The following FSIP1 variants were observed in gnomAD, a reference collection of about 807,000 sequenced individuals.
The protein encoded by FSIP1 is fibrous sheath-interacting protein 1.
In FSIP1, 65 loss-of-function variants were observed where a neutral mutation model predicts 60.9. The ratio of observed to expected loss-of-function variants is 1.07; its 90% CI spans 0.87 to 1.31. The LOEUF (loss-of-function observed/expected upper bound fraction) is 1.31. FSIP1 is among the 40% of genes most tolerant of loss of function. The pLI, the probability that FSIP1 is intolerant of heterozygous loss-of-function variation, is 0.00. For missense variants in FSIP1, 675 were observed against 665.5 expected (o/e 1.01, Z -0.16); for synonymous variants, 209 against 221.2 (o/e 0.94, Z 0.49).
chr15:39,703,502 A>G (rs1167399967), intron 10 of FSIP1, among the ~76,000 whole-genome samples: 1 of 152,244 alleles, frequency 6.6e-6, no homozygotes, highest in African/African-American at 2.4e-5. Flanking sequence ...TAAATTTGAA[A>G]CTGAAACCTA....
chr15:39,659,626 T>TAAAAAAAA lies in FSIP1; in HGVS notation c.1189-41382_1189-41381insTTTTTTTT, dbSNP rs150262830. Among the ~76,000 whole-genome samples, 6 of 133,764 alleles carry TAAAAAAAA rather than the reference T, an allele frequency of 4.5e-5. 1 individual carries two copies. The highest frequency in any genetic ancestry group is 8.3e-5 in the African/African-American group (3 of 35,960). 87.8% of individuals were successfully genotyped at this position (133,764 alleles called of 152,430 possible). A position where few individuals can be genotyped will look rare whatever the true frequency, so the allele number is the denominator to read the frequency against. ...ATTATATCTCAATAAAGCTGTTATTTTAAAAAAAAAAAAAAAAAGCAATGG... is the reference window on the plus strand; with the variant it reads ...ATTATATCTCAATAAAGCTGTTATTTAAAAAAAATAAAAAAAAAAAAAAAAAGCAATGG... On this transcript the variant is annotated intron_variant, in intron 10 of 11. Transcript: ENST00000350221.
chr15:39,761,306 G>C lies in FSIP1; in HGVS notation c.559+2515C>G, dbSNP rs1363850961. On this transcript the variant is annotated intron_variant, in intron 5 of 11. Transcript: ENST00000350221. ...CTGCAGCACTACTCACAATAGCCAA[G>C]TTATGGAATAACCTAAGTATCCACC... Among the ~76,000 whole-genome samples, 8 of 152,168 alleles carry C rather than the reference G, an allele frequency of 5.3e-5. 1 individual carries two copies. The highest frequency in any genetic ancestry group is 3.9e-4 in the Admixed American group (6 of 15,268).
intron 10 of FSIP1, among the ~76,000 whole-genome samples, chr15:39,708,707 G>A (rs1231439361): frequency 2.0e-5 from 3 of 151,982 alleles, no homozygotes; most frequent in Non-Finnish European, 4.4e-5. Flanking sequence ...CCTCATCTTG[G>A]TCACTCTAAT....
Position 39,665,052 on chromosome 15 carries a change from T to A in FSIP1, c.1189-46807A>T, listed in dbSNP as rs575978993. The stretch of plus-strand genomic sequence containing the variant: ...CCTTAAATATTTGTTGCAAGTCCTA[T>A]CTTCTATTAAGCCTTCCCCTTCTCC... On this transcript the variant is annotated intron_variant, in intron 10 of 11. Transcript: ENST00000350221. Among the ~76,000 whole-genome samples, 41 of 152,312 alleles carry A rather than the reference T, an allele frequency of 2.7e-4. 1 individual carries two copies. The South Asian group carries it at 8.1e-3, about 30-fold the overall frequency.
At chr15:39,780,527 GA>G (rs1413186396) in intron 1 of FSIP1, among the ~76,000 whole-genome samples, 4 of 151,312 alleles carry the variant, frequency 2.6e-5, no homozygotes, top group Admixed American at 6.6e-5. Context: ...GTCAAAAAAA[GA>G]AAAAAAAATT....
intron 10 of FSIP1, among the ~76,000 whole-genome samples, chr15:39,650,016 G>T (rs1892802073): frequency 6.6e-6 from 1 of 152,194 alleles, no homozygotes; most frequent in South Asian, 2.1e-4. Context: ...CAGCTGTGCT[G>T]ATTCCCCACT....
At chr15:39,608,180 T>C (rs1414373985) in intron 11 of FSIP1, among the ~76,000 whole-genome samples, 4 of 152,206 alleles carry the variant, frequency 2.6e-5, no homozygotes, top group African/African-American at 7.2e-5. Context: ...GAAAGTAAAA[T>C]ATGGTTCACA....
chr15:39,709,992 A>G (rs992799633), intron 10 of FSIP1, among the ~76,000 whole-genome samples: 1 of 152,186 alleles, frequency 6.6e-6, no homozygotes, highest in Non-Finnish European at 1.5e-5. Flanking sequence ...AGAGCAGGCT[A>G]TTAACAAAAC....
chr15:39,647,898 T>G (rs1294131251), intron 10 of FSIP1, among the ~76,000 whole-genome samples: 1 of 151,964 alleles, frequency 6.6e-6, no homozygotes, highest in Non-Finnish European at 1.5e-5. Flanking sequence ...CAAAAATAAA[T>G]TAATATCACT....
intron 10 of FSIP1, among the ~76,000 whole-genome samples, chr15:39,650,456 C>T (rs1892818785): frequency 1.3e-5 from 2 of 152,158 alleles, no homozygotes; most frequent in South Asian, 4.1e-4. Context: ...ATTAAGTCCT[C>T]CCTTATGACT....
chr15:39,603,412 G>A (rs116883723), intron 11 of FSIP1, among the ~76,000 whole-genome samples: 1,531 of 152,316 alleles, frequency 0.01, 16 homozygotes, highest in Non-Finnish European at 0.017. Context: ...CTCACCAGGT[G>A]ATTCTAACAT....
intron 9 of FSIP1, among the ~76,000 whole-genome samples, chr15:39,719,367 C>A (rs16969702): frequency 0.12 from 18,041 of 152,194 alleles, 1,306 homozygotes; most frequent in African/African-American, 0.2. Context: ...AGCTCTCCTC[C>A]ATATGCCACA....
chr15:39,687,938 A>G (rs552563443), intron 10 of FSIP1, among the ~76,000 whole-genome samples: 23 of 152,266 alleles, frequency 1.5e-4, no homozygotes, highest in African/African-American at 5.5e-4. Flanking sequence ...GGAATCTCTA[A>G]CTCCCAAAAT....
intron 10 of FSIP1, among the ~76,000 whole-genome samples, chr15:39,666,921 A>G (rs1893517272): frequency 1.3e-5 from 2 of 152,242 alleles, no homozygotes; most frequent in African/African-American, 4.8e-5. Flanking sequence ...ATAGCCAAGA[A>G]GCACACTTAT....
chr15:39,704,173 A>G (rs369251798), intron 10 of FSIP1, among the ~76,000 whole-genome samples: 7 of 152,266 alleles, frequency 4.6e-5, no homozygotes, highest in Non-Finnish European at 7.3e-5. Context: ...CAGAAAGAAC[A>G]AAAGTTGTAT....
At chr15:39,772,132 C>G (rs1897909291) in intron 2 of FSIP1, among the ~76,000 whole-genome samples, 1 of 152,160 alleles carries the variant, frequency 6.6e-6, no homozygotes, top group Non-Finnish European at 1.5e-5. Flanking sequence ...GCAAATTTCA[C>G]AAATTTTCCC....
intron 10 of FSIP1, among the ~76,000 whole-genome samples, chr15:39,624,374 T>C (rs951633667): frequency 2.6e-5 from 4 of 152,120 alleles, no homozygotes; most frequent in African/African-American, 9.7e-5. Context: ...GAAGAGTTAT[T>C]TGAGATATAA....
chr15:39,669,380 C>T (rs145316538), intron 10 of FSIP1, among the ~76,000 whole-genome samples: 8 of 152,326 alleles, frequency 5.3e-5, no homozygotes, highest in African/African-American at 1.7e-4. Context: ...AATAAACATC[C>T]TGTACCCCAA....
At chr15:39,709,941 G>T (rs1474182805) in intron 10 of FSIP1, among the ~76,000 whole-genome samples, 1 of 152,166 alleles carries the variant, frequency 6.6e-6, no homozygotes, top group African/African-American at 2.4e-5. Context: ...AGGCGTGGGG[G>T]ACCCCTGCTC....
Sources: allele counts gnomAD v4.1 joint callset (sites outside exome capture counted in the v4.1 genomes callset), GRCh38; gene constraint gnomAD v4.1.1; transcripts MANE v1.5; gene names NCBI Gene and HGNC (gene_info 2026-07-23, HGNC 2026-07-21).